The following RPS6KC1 variants were observed in gnomAD, a reference collection of about 807,000 sequenced individuals.
The protein encoded by RPS6KC1 is ribosomal protein S6 kinase C1.
RPS6KC1 carries 54 observed loss-of-function variants against 103.8 expected under a neutral mutation model. That is an observed-to-expected ratio of 0.52 (90% CI 0.42 to 0.65). RPS6KC1 has a LOEUF of 0.65. RPS6KC1 is among the 30% of genes least tolerant of loss of function. RPS6KC1 has a pLI of 0.00. For synonymous variants in RPS6KC1, 439 were observed against 438.7 expected, an observed-to-expected ratio of 1.00 and a Z score of -0.01; for missense variants, 1,151 against 1,253.8, an observed-to-expected ratio of 0.92 and a Z score of 1.24.
the RPS6KC1 span, among the ~76,000 whole-genome samples, chr1:213,621,587 A>G: frequency 1.4e-5 from 2 of 146,880 alleles, no homozygotes; most frequent in African/African-American, 5.1e-5. Context: ...GAAGGAACTA[A>G]CATGTGTGAT....
the RPS6KC1 span, among the ~76,000 whole-genome samples, chr1:213,748,786 C>T: frequency 6.6e-6 from 1 of 152,228 alleles, no homozygotes; most frequent in Non-Finnish European, 1.5e-5. Flanking sequence ...GATATATCAC[C>T]TTTCAAACTG....
At chr1:213,569,388 G>A in the RPS6KC1 span, among the ~76,000 whole-genome samples, 3 of 152,236 alleles carry the variant, frequency 2.0e-5, no homozygotes, top group Admixed American at 2.0e-4. Flanking sequence ...CACATCCTAA[G>A]GATCCAGTGA....
chr1:213,855,164 G>T, the RPS6KC1 span, among the ~76,000 whole-genome samples: 1 of 152,290 alleles, frequency 6.6e-6, no homozygotes, highest in South Asian at 2.1e-4. Context: ...GGGGGTTAGG[G>T]CTTCAACATA....
the RPS6KC1 span, among the ~76,000 whole-genome samples, chr1:213,654,356 A>G: frequency 2.6e-5 from 4 of 152,204 alleles, no homozygotes; most frequent in Non-Finnish European, 5.9e-5. Context: ...TTTTCAAATG[A>G]TAAAAAAAGG....
rs530259251 is a variant in RPS6KC1 at position 213,072,291 on chromosome 1, C to T, written c.141+1250C>T. 2.0e-5 allele frequency among the ~76,000 whole-genome samples: 3 copies of T among 151,974 alleles called. No homozygotes were observed. The East Asian group carries it at 5.8e-4, about 29-fold the overall frequency. On this transcript the variant is annotated intron_variant, in intron 2 of 14. Coordinates refer to ENST00000366960, the MANE Select transcript of RPS6KC1 (RefSeq NM_012424.6). Reference sequence around the variant, plus strand: ...TACTGGTTGATATGAGTGTATGGCCCCAGGTTTAGATAATATTTAAATTTT... The same window carrying T: ...TACTGGTTGATATGAGTGTATGGCCTCAGGTTTAGATAATATTTAAATTTT...
the RPS6KC1 span, among the ~76,000 whole-genome samples, chr1:213,597,145 G>C: frequency 3.3e-5 from 5 of 152,174 alleles, no homozygotes; most frequent in Admixed American, 3.3e-4. Context: ...TTTATAATTA[G>C]ATCTGTTGTT....
the RPS6KC1 span, among the ~76,000 whole-genome samples, chr1:213,644,992 A>C: frequency 2.0e-5 from 3 of 152,166 alleles, no homozygotes. Flanking sequence ...CCTTTTAGAC[A>C]GAGGGTGACA....
At chr1:213,770,935 T>C in the RPS6KC1 span, among the ~76,000 whole-genome samples, 1 of 152,362 alleles carries the variant, frequency 6.6e-6, no homozygotes, top group African/African-American at 2.4e-5. Context: ...TAAATATAGC[T>C]GTTACATAGT....
chr1:213,136,393 A>T (rs2086267610), intron 6 of RPS6KC1, among the ~76,000 whole-genome samples: 1 of 152,184 alleles, frequency 6.6e-6, no homozygotes. Flanking sequence ...GATGCACTGC[A>T]TGAACTGAAC....
the RPS6KC1 span, among the ~76,000 whole-genome samples, chr1:213,404,466 T>G: frequency 6.6e-6 from 1 of 152,234 alleles, no homozygotes; most frequent in Non-Finnish European, 1.5e-5. Flanking sequence ...ATCTTTTTCA[T>G]TCTTACATTC....
the RPS6KC1 span, among the ~76,000 whole-genome samples, chr1:213,442,814 C>T: frequency 6.6e-6 from 1 of 152,142 alleles, no homozygotes; most frequent in South Asian, 2.1e-4. Flanking sequence ...CGCTGTGTTC[C>T]TACATGGCCT....
the RPS6KC1 span, among the ~76,000 whole-genome samples, chr1:213,594,063 C>G: frequency 2.0e-5 from 3 of 152,060 alleles, no homozygotes; most frequent in African/African-American, 7.2e-5. Context: ...ATGGCTTTTG[C>G]CAAGTTGGCC....
At chr1:213,537,662 C>G in the RPS6KC1 span, among the ~76,000 whole-genome samples, 1 of 152,082 alleles carries the variant, frequency 6.6e-6, no homozygotes, top group Non-Finnish European at 1.5e-5. Flanking sequence ...TAGAAGTCAT[C>G]ACAGCCTGGT....
At chr1:213,414,562 C>T in the RPS6KC1 span, among the ~76,000 whole-genome samples, 9 of 152,224 alleles carry the variant, frequency 5.9e-5, no homozygotes, top group South Asian at 2.1e-4. Context: ...GAGAGAGGCA[C>T]GGGGCATATT....
the RPS6KC1 span, among the ~76,000 whole-genome samples, chr1:213,629,004 T>C: frequency 4.0e-4 from 61 of 152,342 alleles, no homozygotes; most frequent in Middle Eastern, 3.4e-3. Flanking sequence ...TACTTCCAAC[T>C]GTGTGGTCAG....
chr1:213,637,497 A>G, the RPS6KC1 span, among the ~76,000 whole-genome samples: 1 of 152,188 alleles, frequency 6.6e-6, no homozygotes, highest in Non-Finnish European at 1.5e-5. Context: ...GCAAACCAAC[A>G]TGGCACATGT....
chr1:213,122,451 T>A (rs1042988702), intron 5 of RPS6KC1, among the ~76,000 whole-genome samples: 1 of 152,178 alleles, frequency 6.6e-6, no homozygotes, highest in Admixed American at 6.5e-5. Context: ...CTTGACACTT[T>A]GAGGCAAGAT....
the RPS6KC1 span, among the ~76,000 whole-genome samples, chr1:213,708,982 T>C: frequency 6.6e-6 from 1 of 152,240 alleles, no homozygotes; most frequent in Non-Finnish European, 1.5e-5. Context: ...TTTGCATCAA[T>C]ATTCATCAGG....
chr1:213,522,800 G>C, the RPS6KC1 span, among the ~76,000 whole-genome samples: 197 of 152,284 alleles, frequency 1.3e-3, 1 homozygote, highest in African/African-American at 4.6e-3. Context: ...ATCAAGACTT[G>C]GCTTAAGAGA....
Sources: gnomAD v4.1 joint callset for allele counts (sites outside exome capture counted in the v4.1 genomes callset) on GRCh38, gnomAD v4.1.1 for gene constraint, MANE v1.5 for transcripts, NCBI Gene and HGNC (gene_info 2026-07-23, HGNC 2026-07-21) for gene names.